The following PAIP2 variants were observed in gnomAD, a reference collection of about 807,000 sequenced individuals.
The protein encoded by PAIP2 is poly(A) binding protein interacting protein 2.
PAIP2 carries 7 observed loss-of-function variants against 14.8 expected under a neutral mutation model. The observed-to-expected ratio is 0.47, with a 90% CI of 0.27 to 0.89. The LOEUF (loss-of-function observed/expected upper bound fraction) is 0.89. Among genes scored for constraint, PAIP2 ranks in the 40% least tolerant of loss-of-function variants. The pLI is 0.13. For synonymous variants in PAIP2, 47 were observed against 45.3 expected (o/e 1.04, Z -0.15); for missense variants, 122 against 154.7 (o/e 0.79, Z 1.12).
intron 1 of PAIP2, among the ~76,000 whole-genome samples, chr5:139,358,384 A>G (rs1375866584): frequency 1.3e-5 from 2 of 152,192 alleles, no homozygotes; most frequent in African/African-American, 4.8e-5. Context: ...AGCAGTGCTT[A>G]CTTTTGGGAA....
At chr5:139,363,421 C>T (rs1408142787) in intron 1 of PAIP2, among the ~76,000 whole-genome samples, 1 of 152,108 alleles carries the variant, frequency 6.6e-6, no homozygotes, top group Non-Finnish European at 1.5e-5. Context: ...CAGATGCTCA[C>T]TAAGAACTGA....
At position 139,364,475 on chromosome 5, in the gene PAIP2, C is replaced by T. The variant is rs114231815; in HGVS notation, c.139-89C>T. The stretch of plus-strand genomic sequence containing the variant: ...GCAGAAAAGAAAGTATGACTTTGTG[C>T]CTTTAAATGGTTTAGTTCAAGATAT... On this transcript the variant is annotated intron_variant, in intron 2 of 3. Coordinates refer to ENST00000265192, the MANE Select transcript of PAIP2 (RefSeq NM_016480.5). 5.0e-3 allele frequency: 3,531 copies of T among 712,202 alleles called. 104 individuals are homozygous for T. The African/African-American group carries it at 0.059, about 12-fold the overall frequency. 44.1% of individuals were successfully genotyped at this position (712,202 alleles called of 1,614,324 possible).
At chr5:139,364,814 C>G in intron 3 of PAIP2, 71 bp downstream of exon 3, 1 of 1,010,726 alleles carries the variant, frequency 9.9e-7, no homozygotes, top group East Asian at 2.4e-5. Context: ...CAGCTCCCAT[C>G]TATTTAAGAA....
At chr5:139,354,280 G>T (rs13168212) in intron 1 of PAIP2, among the ~76,000 whole-genome samples, 77,712 of 151,986 alleles carry the variant, frequency 0.51, 24,185 homozygotes, top group Non-Finnish European at 0.7. Context: ...TTTTGAAAGG[G>T]TAGTTTTGCC....
At chr5:139,365,270 G>C (rs1467393218) in intron 3 of PAIP2, among the ~76,000 whole-genome samples, 1 of 152,054 alleles carries the variant, frequency 6.6e-6, no homozygotes, top group East Asian at 1.9e-4. Context: ...TGGATCACCT[G>C]AGGTCAGGAG....
rs994441830 is a variant in PAIP2 at position 139,369,289 on chromosome 5, A to G, written c.*491A>G. ...TAAAGGCAAGTATGTCATATTACTG[A>G]GGCTACAAGTTAGTCAGCAGATGAG... On this transcript the variant is annotated 3_prime_UTR_variant, in exon 4 of 4. Transcript: ENST00000265192. The G allele has an allele frequency of 6.5e-6, 1 of 153,190 alleles. No individual in the cohort carries two copies. Among genetic ancestry groups the G allele is most frequent in the African/African-American group, 2.4e-5 (1 of 41,464 alleles). The allele number at this position is 153,190 out of a possible 1,614,324, so 9.5% of individuals were successfully genotyped here.
intron 1 of PAIP2, among the ~76,000 whole-genome samples, chr5:139,351,303 C>T (rs1359606043): frequency 6.6e-6 from 1 of 151,620 alleles, no homozygotes; most frequent in Non-Finnish European, 1.5e-5. Context: ...AGCACTACTA[C>T]CTTGTCTCTA....
intron 1 of PAIP2, among the ~76,000 whole-genome samples, chr5:139,354,910 T>G (rs1756862282): frequency 6.7e-6 from 1 of 149,006 alleles, no homozygotes; most frequent in South Asian, 2.1e-4. Context: ...AGCCTCCACC[T>G]CCAGGTTCAA....
intron 1 of PAIP2, among the ~76,000 whole-genome samples, chr5:139,357,411 T>TA (rs1049500224): frequency 1.1e-4 from 17 of 152,244 alleles, no homozygotes; most frequent in African/African-American, 3.4e-4. Flanking sequence ...CCGTTATTGC[T>TA]ACTATATTTA....
chr5:139,353,301 A>G (rs950835227), intron 1 of PAIP2, among the ~76,000 whole-genome samples: 3 of 152,036 alleles, frequency 2.0e-5, no homozygotes, highest in African/African-American at 7.2e-5. Context: ...TCTAAGTTTT[A>G]ATTATTTTTG....
intron 3 of PAIP2, among the ~76,000 whole-genome samples, chr5:139,365,791 C>T (rs557065321): frequency 9.5e-4 from 144 of 152,258 alleles, no homozygotes; most frequent in Middle Eastern, 3.4e-3. Context: ...TGCTTTTAGT[C>T]CTGATGTTGC....
At chr5:139,352,502 G>GTTTTTTTTTTTTTTTTTTTTTTTTTT (rs536704901) in intron 1 of PAIP2, among the ~76,000 whole-genome samples, 14 of 76,156 alleles carry the variant, frequency 1.8e-4, no homozygotes, top group African/African-American at 3.9e-4. Context: ...TTTTTTTGTT[G>GTTTTTTTTTTTTTTTTTTTTTTTTTT]TTTTTTTTTT....
In PAIP2 at chr5:139,348,809, C is replaced by T. The variant is rs138365263; in HGVS notation, c.-27+6829C>T. Reference sequence around the variant, plus strand: ...TCTCCTGCCTCAGCCTCCCCAGTAGCTGGGATTACAGGTGCCTGCCACCAC... The same window carrying T: ...TCTCCTGCCTCAGCCTCCCCAGTAGTTGGGATTACAGGTGCCTGCCACCAC... On this transcript the variant is annotated intron_variant, in intron 1 of 3. Coordinates refer to ENST00000265192, the MANE Select transcript of PAIP2 (RefSeq NM_016480.5). Among the ~76,000 whole-genome samples, 850 of 152,000 alleles carry T rather than the reference C, an allele frequency of 5.6e-3. 8 individuals are homozygous for T. Among genetic ancestry groups the T allele is most frequent in the African/African-American group, 0.02 (822 of 41,458 alleles).
At chr5:139,349,199 A>G (rs1386401339) in intron 1 of PAIP2, among the ~76,000 whole-genome samples, 1 of 152,146 alleles carries the variant, frequency 6.6e-6, no homozygotes, top group African/African-American at 2.4e-5. Context: ...TATATTGGAG[A>G]AGGAAAGGCA....
At chr5:139,342,123 C>T (rs1406106491) in intron 1 of PAIP2, 143 bp downstream of exon 1, 1 of 152,530 alleles carries the variant, frequency 6.6e-6, no homozygotes, top group Non-Finnish European at 1.5e-5. Context: ...TTGCCTCTTT[C>T]CACCAAGTCT....
chr5:139,364,956 C>G, intron 3 of PAIP2: 1 of 345,660 alleles, frequency 2.9e-6, no homozygotes, highest in Non-Finnish European at 5.2e-6. Flanking sequence ...ACCAGCCTGA[C>G]CAACATGGAG....
intron 1 of PAIP2, among the ~76,000 whole-genome samples, chr5:139,342,211 A>G (rs1756400032): frequency 6.6e-6 from 1 of 151,696 alleles, no homozygotes; most frequent in African/African-American, 2.4e-5. Flanking sequence ...GTCATTATTA[A>G]TGATTTGGAT....
chr5:139,348,490 G>C (rs780938005), intron 1 of PAIP2, among the ~76,000 whole-genome samples: 8 of 151,882 alleles, frequency 5.3e-5, no homozygotes, highest in Non-Finnish European at 8.8e-5. Flanking sequence ...GAGTAGCTGG[G>C]ACTACAGGTG....
intron 1 of PAIP2, among the ~76,000 whole-genome samples, chr5:139,349,446 G>A (rs1031903372): frequency 2.6e-5 from 4 of 151,710 alleles, no homozygotes; most frequent in Non-Finnish European, 4.4e-5. Flanking sequence ...ACCGGGTTTC[G>A]CCATGTTGGC....
Sources: allele counts gnomAD v4.1 joint callset (sites outside exome capture counted in the v4.1 genomes callset), GRCh38; gene constraint gnomAD v4.1.1; transcripts MANE v1.5; gene names NCBI Gene and HGNC (gene_info 2026-07-23, HGNC 2026-07-21).